SNTG1: variants seen among roughly 807,000 people sequenced by gnomAD.
SNTG1 encodes the protein gamma-1-syntrophin.
In SNTG1, 39 loss-of-function variants were observed where a neutral mutation model predicts 74.7. The observed-to-expected ratio is 0.52, with a 90% CI of 0.40 to 0.68. SNTG1 has a LOEUF of 0.68. Ranked by LOEUF, SNTG1 falls within the 30% of genes least tolerant of loss-of-function variation. The probability of loss-of-function intolerance (pLI) is 0.00; values close to 1 mark genes in which losing one functional copy is unlikely to be tolerated. For synonymous variants in SNTG1, 254 were observed against 217.1 expected (o/e 1.17, Z -1.49); for missense variants, 685 against 609.5 (o/e 1.12, Z -1.30).
chr8:49,944,432 CTTTT>C (rs940407604), intron 1 of SNTG1, among the ~76,000 whole-genome samples: 7 of 151,410 alleles, frequency 4.6e-5, no homozygotes, highest in African/African-American at 7.3e-5. Flanking sequence ...TTCTTTCTTT[CTTTT>C]TTAAGATGGA....
chr8:49,942,403 G>C (rs1256640347), intron 1 of SNTG1, among the ~76,000 whole-genome samples: 2 of 151,946 alleles, frequency 1.3e-5, no homozygotes, highest in East Asian at 3.9e-4. Context: ...CCCATATGAA[G>C]TTTCTTTTAT....
chr8:50,418,910 T>C (rs1262521214), intron 4 of SNTG1, among the ~76,000 whole-genome samples: 1 of 152,160 alleles, frequency 6.6e-6, no homozygotes, highest in Non-Finnish European at 1.5e-5. Flanking sequence ...GTCAAAAATA[T>C]ATCCAGGATA....
chr8:50,282,866 T>G (rs1034553456), intron 2 of SNTG1, among the ~76,000 whole-genome samples: 2 of 152,220 alleles, frequency 1.3e-5, no homozygotes, highest in Non-Finnish European at 2.9e-5. Context: ...TCCTTGGTAA[T>G]GCAACCAATG....
chr8:50,658,666 A>G lies in SNTG1; in HGVS notation c.1038+3A>G. On this transcript the variant is annotated splice_donor_region_variant and intron_variant, in intron 15 of 18. Transcript: ENST00000642720. The stretch of plus-strand genomic sequence containing the variant: ...AGATTATGTGCAAGATCCTCAAGGT[A>G]TGATCAATATGTAGTCAGTATTTGA... 6.2e-7 allele frequency: 1 copy of G among 1,602,696 alleles called. No homozygotes were observed. Among genetic ancestry groups the G allele is most frequent in the South Asian group, 1.1e-5 (1 of 90,498 alleles).
intron 2 of SNTG1, chr8:50,286,495 CAT>C (rs2088792783): frequency 6.6e-6 from 1 of 152,132 alleles, no homozygotes; most frequent in African/African-American, 2.4e-5. Context: ...AATGGGGAAA[CAT>C]AATGATAGTA....
At chr8:50,147,981 A>G (rs1045347035) in intron 1 of SNTG1, among the ~76,000 whole-genome samples, 1 of 152,234 alleles carries the variant, frequency 6.6e-6, no homozygotes, top group Non-Finnish European at 1.5e-5. Flanking sequence ...AAAGTAGAAT[A>G]CTGGCAAAAA....
intron 17 of SNTG1, among the ~76,000 whole-genome samples, chr8:50,729,770 C>T (rs915963016): frequency 4.8e-4 from 73 of 152,108 alleles, no homozygotes; most frequent in Non-Finnish European, 9.8e-4. Context: ...GGTAATTGTA[C>T]CTAAGGGCTA....
chr8:50,140,053 G>T (rs535562465), intron 1 of SNTG1, among the ~76,000 whole-genome samples: 1 of 152,298 alleles, frequency 6.6e-6, no homozygotes, highest in East Asian at 1.9e-4. Context: ...GTAAATGGCC[G>T]CGAAACTTGC....
rs2095701748 is a variant in SNTG1, at chr8:50,795,124, G to A, written c.*2295G>A. ...TAATTATATTAGAAGAATGTTTTGT[G>A]TACATACATTTAATATACTTTAAAT... On this transcript the variant is annotated 3_prime_UTR_variant, in exon 19 of 19. Transcript: ENST00000642720. 1 of 151,906 alleles carries A rather than the reference G, an allele frequency of 6.6e-6. No individual in the cohort carries two copies. The highest frequency in any genetic ancestry group is 1.9e-4 in the East Asian group (1 of 5,162). The allele number at this position is 151,906 out of a possible 1,614,324, so 9.4% of individuals were successfully genotyped here. A position where few individuals can be genotyped will look rare whatever the true frequency, so the allele number is the denominator to read the frequency against.
chr8:50,429,909 A>G (rs1435869322), intron 4 of SNTG1, among the ~76,000 whole-genome samples: 2 of 152,212 alleles, frequency 1.3e-5, no homozygotes, highest in Non-Finnish European at 2.9e-5. Flanking sequence ...ACCATTATAT[A>G]CAACTTTATA....
chr8:50,351,139 C>G (rs2091647884), intron 2 of SNTG1, among the ~76,000 whole-genome samples: 1 of 152,162 alleles, frequency 6.6e-6, no homozygotes, highest in Non-Finnish European at 1.5e-5. Context: ...GTGATGACTA[C>G]CTAGACCCAT....
chr8:49,990,700 A>G (rs915087286), intron 1 of SNTG1, among the ~76,000 whole-genome samples: 5 of 152,148 alleles, frequency 3.3e-5, no homozygotes, highest in Non-Finnish European at 7.4e-5. Context: ...CAGGCATTTT[A>G]ATGGAGAAAG....
intron 12 of SNTG1, among the ~76,000 whole-genome samples, chr8:50,590,377 T>G (rs1000124684): frequency 1.3e-5 from 2 of 152,160 alleles, no homozygotes; most frequent in African/African-American, 4.8e-5. Context: ...CTTTAAATTC[T>G]TATAAAATGT....
chr8:50,728,514 G>C (rs1005839848), intron 17 of SNTG1, among the ~76,000 whole-genome samples: 1 of 152,162 alleles, frequency 6.6e-6, no homozygotes, highest in African/African-American at 2.4e-5. Flanking sequence ...GGTGAAAAGA[G>C]CCCAATATTA....
intron 15 of SNTG1, 25 bp from the exon 16 acceptor site, chr8:50,704,575 C>T (rs749291295): frequency 4.3e-6 from 7 of 1,613,814 alleles, no homozygotes; most frequent in Non-Finnish European, 5.1e-6. Context: ...GTGTGCCAGC[C>T]TGTGTAACTC....
chr8:50,510,922 C>A (rs2094066303), intron 9 of SNTG1, among the ~76,000 whole-genome samples: 2 of 152,206 alleles, frequency 1.3e-5, no homozygotes, highest in Middle Eastern at 3.4e-3. Flanking sequence ...TCCTTCATTT[C>A]TGCTCTGATC....
At chr8:50,410,661 C>G (rs901091954) in intron 4 of SNTG1, among the ~76,000 whole-genome samples, 1 of 152,032 alleles carries the variant, frequency 6.6e-6, no homozygotes, top group South Asian at 2.1e-4. Context: ...TTATCAGCAC[C>G]TTCTATTCTT....
At chr8:50,165,809 G>A (rs185368258) in intron 1 of SNTG1, among the ~76,000 whole-genome samples, 26 of 152,202 alleles carry the variant, frequency 1.7e-4, no homozygotes, top group Non-Finnish European at 2.8e-4. Context: ...ACCTAAAGTC[G>A]CATTGTAACT....
chr8:49,948,443 C>T (rs887842173), intron 1 of SNTG1, among the ~76,000 whole-genome samples: 2 of 152,090 alleles, frequency 1.3e-5, no homozygotes, highest in Non-Finnish European at 2.9e-5. Context: ...CAATGTCTTC[C>T]CCAAATCTGC....
Sources: gnomAD v4.1 joint callset for allele counts (sites outside exome capture counted in the v4.1 genomes callset) on GRCh38, gnomAD v4.1.1 for gene constraint, MANE v1.5 for transcripts, NCBI Gene and HGNC (gene_info 2026-07-23, HGNC 2026-07-21) for gene names.